DYNC1LI1: variants seen among roughly 807,000 people sequenced by gnomAD.
The protein encoded by DYNC1LI1 is dynein cytoplasmic 1 light intermediate chain 1.
DYNC1LI1 carries 19 observed loss-of-function variants against 63.8 expected under a neutral mutation model. The observed-to-expected ratio is 0.30, with a 90% CI of 0.21 to 0.44. DYNC1LI1 has a LOEUF of 0.44. Ranked by LOEUF, DYNC1LI1 falls within the 20% of genes least tolerant of loss-of-function variation. The pLI, the probability that DYNC1LI1 is intolerant of heterozygous loss-of-function variation, is 1.00. For synonymous variants in DYNC1LI1, 225 were observed against 232.3 expected (o/e 0.97, Z 0.28); for missense variants, 565 against 630.2 (o/e 0.90, Z 1.11).
intron 2 of DYNC1LI1, chr3:32,570,066 G>A: frequency 1.8e-6 from 1 of 565,592 alleles, no homozygotes; most frequent in South Asian, 2.0e-5. Context: ...TCCCTCAGAT[G>A]AGCGATCGAA....
rs568318290 is a variant in DYNC1LI1 at position 32,555,521 on chromosome 3, CTG to C, written c.221-9558_221-9557del. Among the ~76,000 whole-genome samples the C allele has an allele frequency of 9.2e-5, 14 of 152,310 alleles. No individual in the cohort carries two copies. In the East Asian group the frequency reaches 1.9e-3, roughly 21 times the overall value. On this transcript the variant is annotated intron_variant, in intron 2 of 12. Coordinates refer to ENST00000273130, the MANE Select transcript of DYNC1LI1 (RefSeq NM_016141.4). ...TCTTCCAATCATATTGTTTGTTAAA[CTG>C]TTTTTCTCTTTTCATGTCTTTAGGC...
At chr3:32,546,976 G>A (rs1377531396) in intron 2 of DYNC1LI1, among the ~76,000 whole-genome samples, 3 of 152,188 alleles carry the variant, frequency 2.0e-5, no homozygotes, top group Non-Finnish European at 1.5e-5. Flanking sequence ...CAGGCGCGGT[G>A]GCTCACGCCT....
At position 32,570,747 on chromosome 3, in the gene DYNC1LI1, G is replaced by A. The variant is rs1431502796; in HGVS notation, c.24C>T (p.Gly8=). The A allele has an allele frequency of 1.9e-6, 3 of 1,606,068 alleles. No individual in the cohort carries two copies. Among genetic ancestry groups the A allele is most frequent in the Non-Finnish European group, 2.6e-6 (3 of 1,176,232 alleles). MAAVGRV[G]SFGSSPPGLS... is the part of the protein sequence containing the mutation. ...ATCCCGGCGGAGAAGAACCGAAGGA[G>A]CCGACTCGCCCCACGGCCGCCATCT... is the stretch of plus-strand genomic sequence containing the variant. The change falls in exon 1 of 13, where the codon GGC becomes GGT. Residue 8 remains glycine (G), a synonymous_variant. Transcript: ENST00000273130.
rs1427470225 is a variant in DYNC1LI1, at chr3:32,570,683, T to A, written c.88A>T (p.Ile30Leu). ...TYTGGPLGNE[I>L]ASGNGGAAAG... ...GCGGCGCCACCGTTGCCCGACGCTA[T>A]CTCGTTGCCCAAGGGGCCGCCAGTG... Residue 30 changes from isoleucine to leucine, a missense_variant, in exon 1 of 13, where the codon ATA becomes TTA. Transcript: ENST00000273130. The A allele has an allele frequency of 1.9e-6, 3 of 1,607,074 alleles. No individual in the cohort carries two copies. Among genetic ancestry groups the A allele is most frequent in the South Asian group, 2.2e-5 (2 of 90,134 alleles).
In DYNC1LI1 at chr3:32,558,403, T is replaced by TAAAAAAAAAAA. The variant is rs533076265; in HGVS notation, c.220+11932_220+11942dup. On this transcript the variant is annotated intron_variant, in intron 2 of 12. Coordinates refer to ENST00000273130, the MANE Select transcript of DYNC1LI1 (RefSeq NM_016141.4). ...TTATTCCCCCAACTCTTTAAAAATGTAAAAAAAAAAAAAAAAAAAAAAGAA... is the reference window on the plus strand; with the variant it reads ...TTATTCCCCCAACTCTTTAAAAATGTAAAAAAAAAAAAAAAAAAAAAAAAAAAAAAAAAGAA... Among the ~76,000 whole-genome samples, 542 of 88,918 alleles carry TAAAAAAAAAAA rather than the reference T, an allele frequency of 6.1e-3. 1 individual carries two copies. Among genetic ancestry groups the TAAAAAAAAAAA allele is most frequent in the Non-Finnish European group, 6.8e-3 (312 of 46,146 alleles). 58.3% of individuals were successfully genotyped at this position (88,918 alleles called of 152,430 possible). A position where few individuals can be genotyped will look rare whatever the true frequency, so the allele number is the denominator to read the frequency against.
intron 2 of DYNC1LI1, among the ~76,000 whole-genome samples, chr3:32,551,222 T>C (rs1344308235): frequency 1.3e-5 from 2 of 152,200 alleles, no homozygotes; most frequent in African/African-American, 2.4e-5. Flanking sequence ...CTGGTTTTAC[T>C]TGGAAGTCAG....
At chr3:32,545,531 C>A in intron 3 of DYNC1LI1, 1 of 339,760 alleles carries the variant, frequency 2.9e-6, no homozygotes, top group Non-Finnish European at 5.3e-6. Flanking sequence ...ATATTTTTAT[C>A]AGAAAATTAG....
At chr3:32,557,128 A>C (rs1698125279) in intron 2 of DYNC1LI1, among the ~76,000 whole-genome samples, 2 of 152,204 alleles carry the variant, frequency 1.3e-5, no homozygotes, top group Admixed American at 1.3e-4. Flanking sequence ...TAAAAACTCC[A>C]TCATGAACCC....
chr3:32,546,394 C>G (rs1046052280), intron 2 of DYNC1LI1, among the ~76,000 whole-genome samples: 6 of 151,494 alleles, frequency 4.0e-5, no homozygotes, highest in African/African-American at 1.5e-4. Context: ...GGTAACAAAG[C>G]AAGACTCTGT....
Position 32,541,207 on chromosome 3 carries a change from C to A in DYNC1LI1, c.569-1G>T, listed in dbSNP as rs1357171215. On this transcript the variant is annotated splice_acceptor_variant, in intron 4 of 12. Coordinates refer to ENST00000273130, the MANE Select transcript of DYNC1LI1 (RefSeq NM_016141.4). LOFTEE classifies it high-confidence loss of function. The stretch of plus-strand genomic sequence containing the variant: ...ACATATTCTTGGAAGTCTCTAATCA[C>A]TGAAAATCAAAGTAAACACAATTTA... 1 of 1,573,330 alleles carries A rather than the reference C, an allele frequency of 6.4e-7. No homozygotes were observed. The highest frequency in any genetic ancestry group is 8.6e-7 in the Non-Finnish European group (1 of 1,158,562).
Position 32,545,035 on chromosome 3 carries a change from C to A in DYNC1LI1, c.409G>T (p.Asp137Tyr). Residue 137 changes from aspartate to tyrosine, a missense_variant, in exon 4 of 13, where the codon GAT (aspartate) becomes TAT (tyrosine). By Grantham distance (160) the Asp-to-Tyr change is radical. Transcript: ENST00000273130. ...AGAGTATCCTTCAGAGATACGGCAT[C>A]CAGTGAAAATTTAAGGAGGCCTTTG... ...YHKGLLKFSL[D>Y]AVSLKDTLVM... 1 of 1,613,994 alleles carries A rather than the reference C, an allele frequency of 6.2e-7. No homozygotes were observed. The highest frequency in any genetic ancestry group is 8.5e-7 in the Non-Finnish European group (1 of 1,179,936).
intron 2 of DYNC1LI1, among the ~76,000 whole-genome samples, chr3:32,547,898 C>G (rs1697977180): frequency 1.3e-5 from 2 of 152,150 alleles, no homozygotes; most frequent in South Asian, 4.2e-4. Context: ...TAAGGAAAAT[C>G]TGGTACGTGT....
At chr3:32,532,002 T>C (rs1301833426) in intron 8 of DYNC1LI1, 1 of 152,202 alleles carries the variant, frequency 6.6e-6, no homozygotes, top group Non-Finnish European at 1.5e-5. Flanking sequence ...TTTTTGAGCA[T>C]TTTGGATTTT....
intron 2 of DYNC1LI1, among the ~76,000 whole-genome samples, chr3:32,565,591 C>T (rs1012122856): frequency 1.7e-4 from 26 of 152,204 alleles, no homozygotes; most frequent in African/African-American, 5.5e-4. Context: ...AGTACTAGCT[C>T]GGGGAGCTAG....
intron 2 of DYNC1LI1, among the ~76,000 whole-genome samples, chr3:32,562,421 C>G (rs1193574387): frequency 6.6e-6 from 1 of 152,202 alleles, no homozygotes; most frequent in Non-Finnish European, 1.5e-5. Flanking sequence ...CTCACTACAA[C>G]CTTGGACTCC....
chr3:32,537,169 A>G, intron 5 of DYNC1LI1, 65 bp from the exon 6 acceptor site: 1 of 918,136 alleles, frequency 1.1e-6, no homozygotes. Flanking sequence ...TAGTAATTTA[A>G]ACAGTTCAAT....
At chr3:32,544,767 A>G in intron 4 of DYNC1LI1, 109 bp downstream of exon 4, 1 of 746,396 alleles carries the variant, frequency 1.3e-6, no homozygotes, top group Non-Finnish European at 2.2e-6. Flanking sequence ...AAGTACTTAC[A>G]ATATGCTTAC....
rs367915520 is a variant in DYNC1LI1, at chr3:32,545,047, T to C, written c.397A>G (p.Lys133Glu). 6.2e-7 allele frequency: 1 copy of C among 1,613,988 alleles called. No individual in the cohort carries two copies. Among genetic ancestry groups the C allele is most frequent in the Non-Finnish European group, 8.5e-7 (1 of 1,179,974 alleles). The change falls in exon 4 of 13, where the codon AAA becomes GAA. Residue 133 changes from lysine (K) to glutamate (E), a missense_variant. Transcript: ENST00000273130. ...DGDLYHKGLL[K>E]FSLDAVSLKD... ...AGAGATACGGCATCCAGTGAAAATT[T>C]AAGGAGGCCTTTGTGATATAGGTCT...
At chr3:32,532,485 G>GTATATATATATGTATGTA (rs1292389896) in intron 8 of DYNC1LI1, 2 of 122,274 alleles carry the variant, frequency 1.6e-5, no homozygotes, top group African/African-American at 5.8e-5. Flanking sequence ...AAAAAAATGT[G>GTATATATATATGTATGTA]TGTATATATA....
Sources: gnomAD v4.1 joint callset for allele counts (sites outside exome capture counted in the v4.1 genomes callset) on GRCh38, gnomAD v4.1.1 for gene constraint, MANE v1.5 for transcripts, NCBI Gene and HGNC (gene_info 2026-07-23, HGNC 2026-07-21) for gene names.